ADGRG6: variants seen among roughly 807,000 people sequenced by gnomAD.
The protein encoded by ADGRG6 is adhesion G protein-coupled receptor G6.
In ADGRG6, 84 loss-of-function variants were observed where a neutral mutation model predicts 142.4. The ratio of observed to expected loss-of-function variants is 0.59; its 90% CI spans 0.49 to 0.71. ADGRG6 has a LOEUF of 0.71. ADGRG6 is among the 30% of genes least tolerant of loss of function. The pLI, the probability that ADGRG6 is intolerant of heterozygous loss-of-function variation, is 0.00. For missense variants in ADGRG6, 1,367 were observed against 1,466.6 expected, an observed-to-expected ratio of 0.93 and a Z score of 1.11; for synonymous variants, 521 against 520.5, an observed-to-expected ratio of 1.00 and a Z score of -0.01.
At chr6:142,425,564 C>G (rs1288721204) in intron 22 of ADGRG6, among the ~76,000 whole-genome samples, 1 of 152,108 alleles carries the variant, frequency 6.6e-6, no homozygotes, top group Non-Finnish European at 1.5e-5. Context: ...TAAAACTGTG[C>G]TAAACATATT....
At chr6:142,392,873 T>C in intron 7 of ADGRG6, 75 bp from the exon 8 acceptor site, 1 of 981,440 alleles carries the variant, frequency 1.0e-6, no homozygotes, top group Non-Finnish European at 1.6e-6. Flanking sequence ...ACAACTTATG[T>C]TTTAGGTAGA....
intron 1 of ADGRG6, 115 bp downstream of exon 1, chr6:142,302,446 C>T (rs768595894): frequency 2.0e-5 from 22 of 1,106,150 alleles, no homozygotes; most frequent in Non-Finnish European, 2.9e-5. Context: ...AGGACTTCAA[C>T]TGCACGGAGG....
Position 142,338,017 on chromosome 6 carries a change from G to GTTTTTTT in ADGRG6, c.103+28388_103+28394dup, listed in dbSNP as rs1181314373. ...AATCCTTTTTATGCCTTGTATCTTTGTTTTTTTTTTTTTTTTTTTTTGAGA... is the reference window on the plus strand; with the variant it reads ...AATCCTTTTTATGCCTTGTATCTTTGTTTTTTTTTTTTTTTTTTTTTTTTTTTTGAGA... On this transcript the variant is annotated intron_variant, in intron 2 of 24. Transcript: ENST00000367609. 1.1e-3 allele frequency among the ~76,000 whole-genome samples: 40 copies of GTTTTTTT among 35,386 alleles called. 12 individuals are homozygous for GTTTTTTT. Among genetic ancestry groups the GTTTTTTT allele is most frequent in the East Asian group, 2.1e-3 (2 of 934 alleles). The allele number at this position is 35,386 out of a possible 152,430, so 23.2% of individuals were successfully genotyped here. A position where few individuals can be genotyped will look rare whatever the true frequency, so the allele number is the denominator to read the frequency against.
At chr6:142,352,748 A>G (rs966860138) in intron 2 of ADGRG6, among the ~76,000 whole-genome samples, 1 of 152,160 alleles carries the variant, frequency 6.6e-6, no homozygotes, top group Admixed American at 6.5e-5. Context: ...GAACATATAT[A>G]TGCATCCCAA....
intron 2 of ADGRG6, among the ~76,000 whole-genome samples, chr6:142,313,851 A>G (rs1009767821): frequency 1.3e-5 from 2 of 152,184 alleles, no homozygotes; most frequent in African/African-American, 4.8e-5. Flanking sequence ...GGACTTTCAA[A>G]TGTCTAAAAA....
chr6:142,348,465 T>G (rs1197107784), intron 2 of ADGRG6, among the ~76,000 whole-genome samples: 1 of 152,162 alleles, frequency 6.6e-6, no homozygotes, highest in Non-Finnish European at 1.5e-5. Context: ...TCTAATTCCC[T>G]ACATTATTAA....
At chr6:142,354,982 G>A (rs912748903) in intron 2 of ADGRG6, among the ~76,000 whole-genome samples, 2 of 152,202 alleles carry the variant, frequency 1.3e-5, no homozygotes, top group Non-Finnish European at 2.9e-5. Context: ...GATTCAACTC[G>A]GATTATCTTA....
chr6:142,383,755 A>T lies in ADGRG6; in HGVS notation c.1139-5A>T. The T allele has an allele frequency of 1.7e-5, 25 of 1,438,520 alleles. No homozygotes were observed. The highest frequency in any genetic ancestry group is 2.3e-5 in the Non-Finnish European group (24 of 1,025,024). The allele number at this position is 1,438,520 out of a possible 1,614,324, so 89.1% of individuals were successfully genotyped here. ...AAATTACATCTTTCTCATCTTTATTACCAGCTACTGTAAACTCTCCTAGTA... is the reference window on the plus strand; with the variant it reads ...AAATTACATCTTTCTCATCTTTATTTCCAGCTACTGTAAACTCTCCTAGTA... On this transcript the variant is annotated splice_region_variant and splice_polypyrimidine_tract_variant and intron_variant, in intron 5 of 24. Coordinates refer to ENST00000367609, the MANE Select transcript of ADGRG6 (RefSeq NM_198569.3).
intron 2 of ADGRG6, among the ~76,000 whole-genome samples, chr6:142,313,802 G>T (rs1777889484): frequency 6.6e-6 from 1 of 151,958 alleles, no homozygotes; most frequent in African/African-American, 2.4e-5. Context: ...CAATTACATT[G>T]CAATCTATAT....
intron 4 of ADGRG6, among the ~76,000 whole-genome samples, chr6:142,381,150 A>G (rs532326254): frequency 1.6e-4 from 24 of 152,348 alleles, no homozygotes; most frequent in African/African-American, 5.5e-4. Context: ...AGCTGTGCCT[A>G]CACATTCCCA....
Position 142,438,349 on chromosome 6 carries a change from A to G in ADGRG6, c.3559A>G (p.Arg1187Gly). Residue 1187 changes from arginine to glycine, a missense_variant, in exon 24 of 25, where the codon AGG becomes GGG. Physicochemically the swap from Arg to Gly is moderately radical, Grantham distance 125. Coordinates refer to ENST00000367609, the MANE Select transcript of ADGRG6 (RefSeq NM_198569.3). ...SKSSSTTYFKRNSHTDSASMD... is the reference protein window; with the variant it reads ...SKSSSTTYFKGNSHTDSASMD... ...ATCCAGCTCTACCACCTATTTCAAA[A>G]GGAATAGCCACACAGGTGAGTCTAA... The G allele has an allele frequency of 6.2e-7, 1 of 1,607,160 alleles. No individual in the cohort carries two copies. The highest frequency in any genetic ancestry group is 8.5e-7 in the Non-Finnish European group (1 of 1,176,824).
intron 2 of ADGRG6, among the ~76,000 whole-genome samples, chr6:142,359,903 A>G (rs1780634635): frequency 6.6e-6 from 1 of 152,222 alleles, no homozygotes; most frequent in Non-Finnish European, 1.5e-5. Context: ...ACTTACCTTC[A>G]TACTAGGATA....
In ADGRG6 at chr6:142,408,316, A is replaced by G. The variant is rs1775918271; in HGVS notation, c.2388+47A>G. On this transcript the variant is annotated intron_variant, in intron 16 of 24. Transcript: ENST00000367609. ...CATTTGGACAGAAGTGGACTATTTA[A>G]TATACTAGTGGGGCCTTTTTTTCTA... The G allele has an allele frequency of 5.6e-6, 8 of 1,440,272 alleles. No individual in the cohort carries two copies. In the African/African-American group the frequency reaches 5.7e-5, roughly 10 times the overall value. 89.2% of individuals were successfully genotyped at this position (1,440,272 alleles called of 1,614,324 possible). A position where few individuals can be genotyped will look rare whatever the true frequency, so the allele number is the denominator to read the frequency against.
intron 2 of ADGRG6, among the ~76,000 whole-genome samples, chr6:142,318,187 T>TAATATATTTATATTA (rs1778286375): frequency 3.1e-5 from 1 of 32,418 alleles, no homozygotes; most frequent in African/African-American, 1.9e-4. Flanking sequence ...ATATTATATA[T>TAATATATTTATATTA]TATATATTTA....
rs971488319 is a variant in ADGRG6, at chr6:142,330,935, T to TA, written c.103+21300dup. On this transcript the variant is annotated intron_variant, in intron 2 of 24. Transcript: ENST00000367609. ...GTAAACAAATTCAGAATTGTTTCTT[T>TA]AAAAAAAAAGCTTTTTAAGCTTCAT... is the stretch of plus-strand genomic sequence containing the variant. 8.6e-5 allele frequency among the ~76,000 whole-genome samples: 13 copies of TA among 150,928 alleles called. No individual in the cohort carries two copies. In the South Asian group the frequency reaches 1.1e-3, roughly 12 times the overall value.
intron 2 of ADGRG6, among the ~76,000 whole-genome samples, chr6:142,309,941 G>A (rs940498323): frequency 5.3e-5 from 8 of 151,462 alleles, no homozygotes; most frequent in Non-Finnish European, 7.4e-5. Context: ...TACATAAATC[G>A]CATTTAAAAA....
intron 4 of ADGRG6, among the ~76,000 whole-genome samples, chr6:142,378,110 C>G (rs1226654787): frequency 2.0e-5 from 3 of 152,200 alleles, no homozygotes; most frequent in Non-Finnish European, 4.4e-5. Flanking sequence ...ATACTTGTTA[C>G]TGTGCAATGA....
At chr6:142,320,038 T>TA (rs1257617812) in intron 2 of ADGRG6, among the ~76,000 whole-genome samples, 6 of 151,776 alleles carry the variant, frequency 4.0e-5, no homozygotes, top group African/African-American at 1.2e-4. Flanking sequence ...CACGTGGAGG[T>TA]AAAAAAAATT....
chr6:142,342,279 T>G (rs1392869133), intron 2 of ADGRG6, among the ~76,000 whole-genome samples: 2 of 152,124 alleles, frequency 1.3e-5, no homozygotes, highest in African/African-American at 4.8e-5. Context: ...CTCAGGGATT[T>G]ATTCCAAGAA....
Sources: allele counts gnomAD v4.1 joint callset (sites outside exome capture counted in the v4.1 genomes callset), GRCh38; gene constraint gnomAD v4.1.1; transcripts MANE v1.5; gene names NCBI Gene and HGNC (gene_info 2026-07-23, HGNC 2026-07-21).